SS18: variants seen among roughly 807,000 people sequenced by gnomAD.
SS18 encodes the protein SS18 subunit of BAF chromatin remodeling complex.
A neutral mutation model predicts 72.5 loss-of-function variants in SS18; 28 were observed. That is an observed-to-expected ratio of 0.39 (90% CI 0.29 to 0.53). SS18 has a LOEUF of 0.53. Ranked by LOEUF, SS18 falls within the 20% of genes least tolerant of loss-of-function variation. The probability of loss-of-function intolerance (pLI) is 0.76; values close to 1 mark genes in which losing one functional copy is unlikely to be tolerated. For synonymous variants in SS18, 172 were observed against 164.2 expected (o/e 1.05, Z -0.37); for missense variants, 518 against 535.3 (o/e 0.97, Z 0.32).
At chr18:26,032,093 C>T (rs1390574967) in intron 10 of SS18, among the ~76,000 whole-genome samples, 1 of 151,960 alleles carries the variant, frequency 6.6e-6, no homozygotes, top group African/African-American at 2.4e-5. Flanking sequence ...CTATACTTTA[C>T]CTCAGTAAAC....
Position 26,032,856 on chromosome 18 carries a change from T to G in SS18, c.1097-324A>C, listed in dbSNP as rs115025360. Among the ~76,000 whole-genome samples the G allele has an allele frequency of 2.0e-4, 31 of 152,280 alleles. No individual in the cohort carries two copies. The East Asian group carries it at 4.8e-3, about 24-fold the overall frequency. On this transcript the variant is annotated intron_variant, in intron 9 of 10. Coordinates refer to ENST00000415083, the MANE Select transcript of SS18 (RefSeq NM_001007559.3). ...TAAGAAAATTAATCAATACGTCTGA[T>G]AGCGTTAACCAGCACAAGCAAGAGG...
At chr18:26,078,183 A>T in intron 2 of SS18, 23 bp from the exon 3 acceptor site, 2 of 1,558,588 alleles carry the variant, frequency 1.3e-6, no homozygotes, top group Non-Finnish European at 1.8e-6. Context: ...AACAAGTATC[A>T]GTATTAAAAA....
rs28509383 is a variant in SS18 at position 26,055,761 on chromosome 18, T to G, written c.385+1828A>C. Among the ~76,000 whole-genome samples the G allele has an allele frequency of 5.3e-3, 778 of 146,484 alleles. 3 individuals are homozygous for G. The highest frequency in any genetic ancestry group is 0.014 in the African/African-American group (536 of 37,794). ...GGAGAAATTCTTTCTGTTTTTTTTT[T>G]TTTTGTTTTTTTTTTTTGATGGAGT... On this transcript the variant is annotated intron_variant, in intron 4 of 10. Coordinates refer to ENST00000415083, the MANE Select transcript of SS18 (RefSeq NM_001007559.3).
At chr18:26,032,964 A>G (rs1197005294) in intron 9 of SS18, among the ~76,000 whole-genome samples, 2 of 152,206 alleles carry the variant, frequency 1.3e-5, no homozygotes, top group African/African-American at 4.8e-5. Flanking sequence ...GATATTTACA[A>G]CTGTATGACT....
chr18:26,027,172 A>G (rs1260885124), intron 10 of SS18, among the ~76,000 whole-genome samples: 1 of 152,196 alleles, frequency 6.6e-6, no homozygotes, highest in Admixed American at 6.5e-5. Flanking sequence ...AAAAACTAAT[A>G]CTACCTGATT....
chr18:26,051,161 C>T (rs1449913161), intron 5 of SS18, among the ~76,000 whole-genome samples: 3 of 152,002 alleles, frequency 2.0e-5, no homozygotes, highest in Admixed American at 6.6e-5. Context: ...CATACCAAGA[C>T]ATTGTTTCTA....
intron 4 of SS18, among the ~76,000 whole-genome samples, chr18:26,054,765 A>C (rs905383167): frequency 8.8e-5 from 13 of 146,998 alleles, no homozygotes; most frequent in Admixed American, 8.1e-4. Flanking sequence ...TTTGAGACGG[A>C]GTCTCATTCT....
rs1275266360 is a variant in SS18 at position 26,090,613 on chromosome 18, T to A, written c.-44A>T. The A allele has an allele frequency of 1.9e-6, 3 of 1,543,820 alleles. No homozygotes were observed. The highest frequency in any genetic ancestry group is 2.6e-6 in the Non-Finnish European group (3 of 1,142,502). On this transcript the variant is annotated 5_prime_UTR_variant, in exon 1 of 11. Transcript: ENST00000415083. Reference sequence around the variant, plus strand: ...ATCGGCAAGTCCCGAGCGCTCCGGGTGAACGGCAAACTGGGGGAGAGACGC... The same window carrying A: ...ATCGGCAAGTCCCGAGCGCTCCGGGAGAACGGCAAACTGGGGGAGAGACGC...
At chr18:26,089,763 C>G (rs998722861) in intron 1 of SS18, 2 of 152,248 alleles carry the variant, frequency 1.3e-5, no homozygotes, top group Non-Finnish European at 2.9e-5. Flanking sequence ...CTTACATTAA[C>G]TGGTCACGAC....
intron 3 of SS18, among the ~76,000 whole-genome samples, chr18:26,061,245 G>A (rs538642507): frequency 2.0e-4 from 31 of 152,114 alleles, no homozygotes; most frequent in Non-Finnish European, 1.3e-4. Flanking sequence ...CTCAGGAGGC[G>A]AAGGCTGCAG....
intron 3 of SS18, among the ~76,000 whole-genome samples, chr18:26,077,853 A>T (rs2144139275): frequency 6.6e-6 from 1 of 152,306 alleles, no homozygotes; most frequent in Admixed American, 6.5e-5. Context: ...AGGTAGGTAA[A>T]CAGGTAAACG....
intron 3 of SS18, among the ~76,000 whole-genome samples, chr18:26,072,769 C>T (rs1428559479): frequency 7.5e-6 from 1 of 133,654 alleles, no homozygotes; most frequent in Non-Finnish European, 1.5e-5. Context: ...TGCACTCCAG[C>T]CTGGGCAACA....
chr18:26,039,180 A>G (rs1269908364), intron 6 of SS18, 109 bp downstream of exon 6: 7 of 832,302 alleles, frequency 8.4e-6, no homozygotes, highest in East Asian at 3.1e-5. Flanking sequence ...AAAAAAAAAA[A>G]AAAAAAAAAA....
rs138124659 is a variant in SS18 at position 26,063,928 on chromosome 18, A to C, written c.232-6186T>G. Among the ~76,000 whole-genome samples, 1,077 of 152,284 alleles carry C rather than the reference A, an allele frequency of 7.1e-3. 14 individuals are homozygous for C. The highest frequency in any genetic ancestry group is 0.025 in the African/African-American group (1,021 of 41,556). Reference sequence around the variant, plus strand: ...AGACAGAAATTCCAATTTTAGAAAAATTAAAAGGGGGGGCATCAGTACATA... The same window carrying C: ...AGACAGAAATTCCAATTTTAGAAAACTTAAAAGGGGGGGCATCAGTACATA... On this transcript the variant is annotated intron_variant, in intron 3 of 10. Transcript: ENST00000415083.
chr18:26,060,918 T>C (rs374089944), intron 3 of SS18, among the ~76,000 whole-genome samples: 7 of 148,666 alleles, frequency 4.7e-5, no homozygotes, highest in Admixed American at 3.4e-4. Flanking sequence ...ATCGCATCAC[T>C]GCACTCCAGC....
intron 5 of SS18, among the ~76,000 whole-genome samples, chr18:26,046,191 CAAAA>C (rs760639087): frequency 0.011 from 492 of 45,058 alleles, 3 homozygotes; most frequent in African/African-American, 0.025. Context: ...GACTCCGTCT[CAAAA>C]AAAAAAAAAA....
At position 26,090,522 on chromosome 18, in the gene SS18, G is replaced by C; in HGVS notation, c.48C>G (p.Ile16Met). 1 of 1,585,256 alleles carries C rather than the reference G, an allele frequency of 6.3e-7. No homozygotes were observed. The highest frequency in any genetic ancestry group is 8.6e-7 in the Non-Finnish European group (1 of 1,166,310). The change falls in exon 1 of 11, where the codon ATC becomes ATG. Residue 16 changes from isoleucine (I) to methionine (M), a missense_variant. By Grantham distance (10) the Ile-to-Met change is conservative. Transcript: ENST00000415083. ...AAPRQRGKGE[I>M]TPAAIQKMLD... The stretch of plus-strand genomic sequence containing the variant: ...TCACCTTCTGAATCGCAGCGGGAGT[G>C]ATCTCCCCCTTGCCTCGCTGCCTCG...
At chr18:26,063,510 C>T (rs923709222) in intron 3 of SS18, among the ~76,000 whole-genome samples, 3 of 151,800 alleles carry the variant, frequency 2.0e-5, no homozygotes, top group African/African-American at 7.3e-5. Flanking sequence ...GAGCGAGACT[C>T]CATCTCCAAA....
At chr18:26,075,786 A>G (rs2054400815) in intron 3 of SS18, among the ~76,000 whole-genome samples, 1 of 151,986 alleles carries the variant, frequency 6.6e-6, no homozygotes, top group Non-Finnish European at 1.5e-5. Flanking sequence ...AGAAAGAAAC[A>G]AAACTGATTA....
Sources: gnomAD v4.1 joint callset for allele counts (sites outside exome capture counted in the v4.1 genomes callset) on GRCh38, gnomAD v4.1.1 for gene constraint, MANE v1.5 for transcripts, NCBI Gene and HGNC (gene_info 2026-07-23, HGNC 2026-07-21) for gene names.